The following SIDT1 variants were observed in gnomAD, a reference collection of about 807,000 sequenced individuals.
SIDT1 encodes SID1 transmembrane family member 1.
Under a neutral mutation model 107.5 loss-of-function variants are expected in SIDT1, and 101 were observed. The ratio of observed to expected loss-of-function variants is 0.94; its 90% CI spans 0.80 to 1.11. The LOEUF (loss-of-function observed/expected upper bound fraction) is 1.11. Ranked by LOEUF, SIDT1 falls within the 50% of genes least tolerant of loss-of-function variation. The pLI, the probability that SIDT1 is intolerant of heterozygous loss-of-function variation, is 0.00. For synonymous variants in SIDT1, 395 were observed against 398.2 expected (o/e 0.99, Z 0.10); for missense variants, 1,076 against 1,058.2 (o/e 1.02, Z -0.23).
At chr3:113,610,987 G>C in intron 17 of SIDT1, 21 bp from the exon 18 acceptor site, 2 of 1,609,720 alleles carry the variant, frequency 1.2e-6, no homozygotes, top group East Asian at 2.2e-5. Context: ...TGATCATCTG[G>C]CTCCTCCTTT....
chr3:113,635,528 G>T, the SIDT1 span, among the ~76,000 whole-genome samples: 13 of 152,250 alleles, frequency 8.5e-5, no homozygotes, highest in East Asian at 2.5e-3. Context: ...TAAGGTAGTA[G>T]TTTCATCCCA....
At chr3:113,581,179 A>C (rs1245936974) in intron 5 of SIDT1, among the ~76,000 whole-genome samples, 182 bp from the exon 6 acceptor site, 1 of 152,174 alleles carries the variant, frequency 6.6e-6, no homozygotes, top group Non-Finnish European at 1.5e-5. Context: ...TTAGAGGACG[A>C]GGCCCCAAGT....
At chr3:113,598,044 T>A (rs1392265027) in intron 10 of SIDT1, among the ~76,000 whole-genome samples, 1 of 152,236 alleles carries the variant, frequency 6.6e-6, no homozygotes, top group Non-Finnish European at 1.5e-5. Flanking sequence ...CATATTTAAT[T>A]GGTGCATATA....
At chr3:113,574,273 G>A (rs1422795318) in intron 3 of SIDT1, among the ~76,000 whole-genome samples, 1 of 152,150 alleles carries the variant, frequency 6.6e-6, no homozygotes, top group Non-Finnish European at 1.5e-5. Context: ...GGAATGAAGG[G>A]CAGACAGTTC....
At chr3:113,549,503 CAA>C (rs1939972636) in intron 1 of SIDT1, among the ~76,000 whole-genome samples, 3 of 152,128 alleles carry the variant, frequency 2.0e-5, no homozygotes, top group Admixed American at 1.3e-4. Flanking sequence ...CCTTTAATTG[CAA>C]AACCCAATGT....
chr3:113,597,358 A>C, intron 10 of SIDT1, among the ~76,000 whole-genome samples: 1 of 151,962 alleles, frequency 6.6e-6, no homozygotes, highest in East Asian at 1.9e-4. Context: ...TTAGCCGCAC[A>C]TGGTGGCATG....
At chr3:113,632,208 G>T (rs573619013), downstream of SIDT1, among the ~76,000 whole-genome samples, 1 of 152,250 alleles carries the variant, frequency 6.6e-6, no homozygotes, top group East Asian at 1.9e-4. Flanking sequence ...TCAAATCAGG[G>T]CAAGAGAAAA....
chr3:113,585,462 G>T (rs1192687149), intron 9 of SIDT1, among the ~76,000 whole-genome samples, 192 bp downstream of exon 9: 1 of 152,042 alleles, frequency 6.6e-6, no homozygotes, highest in Admixed American at 6.6e-5. Context: ...CATAAAGTGA[G>T]ATAATAATTT....
chr3:113,563,736 AT>A (rs35475210), intron 1 of SIDT1, among the ~76,000 whole-genome samples: 22,961 of 152,014 alleles, frequency 0.15, 1,828 homozygotes, highest in Non-Finnish European at 0.18. Flanking sequence ...TTTGTGCCCA[AT>A]TTTTTTTAAC....
At chr3:113,608,352 C>A (rs1317486836) in intron 16 of SIDT1, 67 bp from the exon 17 acceptor site, 1 of 1,532,434 alleles carries the variant, frequency 6.5e-7, no homozygotes, top group Non-Finnish European at 9.0e-7. Flanking sequence ...GCATGTGCTT[C>A]CAGATTAGTG....
At chr3:113,546,597 C>T (rs58500233) in intron 1 of SIDT1, among the ~76,000 whole-genome samples, 6,412 of 152,036 alleles carry the variant, frequency 0.042, 254 homozygotes, top group African/African-American at 0.11. Flanking sequence ...ATGTGATGGT[C>T]CCTTCTGAGA....
chr3:113,558,096 A>T (rs1941070434), intron 1 of SIDT1, among the ~76,000 whole-genome samples: 1 of 152,194 alleles, frequency 6.6e-6, no homozygotes, highest in Non-Finnish European at 1.5e-5. Flanking sequence ...GTAAGTGTAG[A>T]CCATGGCAAA....
At position 113,597,355 on chromosome 3, in the gene SIDT1, C is replaced by T. The variant is rs117487808; in HGVS notation, c.1046-4233C>T. ...CCACTAAAATACAAAATATTAGCCG[C>T]ACATGGTGGCATGTACCTGTAGTCC... On this transcript the variant is annotated intron_variant, in intron 10 of 24. Transcript: ENST00000264852. Among the ~76,000 whole-genome samples, 95 of 151,930 alleles carry T rather than the reference C, an allele frequency of 6.3e-4. 1 individual carries two copies. The East Asian group carries it at 0.014, about 22-fold the overall frequency.
chr3:113,574,243 G>C (rs1168383309), intron 3 of SIDT1, among the ~76,000 whole-genome samples: 1 of 152,198 alleles, frequency 6.6e-6, no homozygotes, highest in Non-Finnish European at 1.5e-5. Context: ...CATGAGTGCG[G>C]AGTTTATACT....
At chr3:113,608,786 G>A (rs1945528355) in intron 17 of SIDT1, among the ~76,000 whole-genome samples, 1 of 152,144 alleles carries the variant, frequency 6.6e-6, no homozygotes, top group African/African-American at 2.4e-5. Flanking sequence ...AGGGCTTGTG[G>A]TTGATTTATC....
rs925411301 is a variant in SIDT1 at position 113,626,188 on chromosome 3, T to C, written c.2394T>C (p.Ser798=). ...FDDHDIWHFL[S]ATALFFSFLV... is the part of the protein sequence containing the mutation. ...ACCATGACATCTGGCACTTCCTCTC[T>C]GCTACTGCTCTGTTTTTCTCATTCT... The change falls in exon 24 of 25, where the codon TCT becomes TCC. Residue 798 remains serine, a synonymous_variant. Coordinates refer to ENST00000264852, the MANE Select transcript of SIDT1 (RefSeq NM_017699.3). The C allele has an allele frequency of 6.2e-7, 1 of 1,613,588 alleles. No homozygotes were observed.
chr3:113,533,292 A>C (rs2107538934), intron 1 of SIDT1, 49 bp downstream of exon 1: 1,309 of 1,272,480 alleles, frequency 1.0e-3, no homozygotes, highest in Non-Finnish European at 1.2e-3. Flanking sequence ...GCCAGATCTC[A>C]GAGCCCCGTC....
intron 3 of SIDT1, among the ~76,000 whole-genome samples, chr3:113,575,155 A>T (rs1942800416): frequency 6.6e-6 from 1 of 152,246 alleles, no homozygotes; most frequent in Non-Finnish European, 1.5e-5. Context: ...ATCTTCATAC[A>T]TTTAGTATTA....
rs1052995801 is a variant in SIDT1, at chr3:113,628,856, T to A, written c.*1148T>A. 6.6e-6 allele frequency: 1 copy of A among 152,254 alleles called. No homozygotes were observed. The highest frequency in any genetic ancestry group is 2.4e-5 in the African/African-American group (1 of 41,450). 9.4% of individuals were successfully genotyped at this position (152,254 alleles called of 1,614,324 possible). A position where few individuals can be genotyped will look rare whatever the true frequency, so the allele number is the denominator to read the frequency against. On this transcript the variant is annotated 3_prime_UTR_variant, in exon 25 of 25. Coordinates refer to ENST00000264852, the MANE Select transcript of SIDT1 (RefSeq NM_017699.3). Reference sequence around the variant, plus strand: ...GTCCTCTTCCCCTCTTCTTGCAAAGTGCACAGCTAATCTAATGTTGTCTCT... The same window carrying A: ...GTCCTCTTCCCCTCTTCTTGCAAAGAGCACAGCTAATCTAATGTTGTCTCT...
Sources: allele counts gnomAD v4.1 joint callset (sites outside exome capture counted in the v4.1 genomes callset), GRCh38; gene constraint gnomAD v4.1.1; transcripts MANE v1.5; gene names NCBI Gene and HGNC (gene_info 2026-07-23, HGNC 2026-07-21).